STT3B: variants seen among roughly 807,000 people sequenced by gnomAD.
The protein encoded by STT3B is STT3 oligosaccharyltransferase complex catalytic subunit B, also known as dolichyl-diphosphooligosaccharide--protein glycosyltransferase subunit STT3B.
Under a neutral mutation model 96.8 loss-of-function variants are expected in STT3B, and 29 were observed. The observed-to-expected ratio is 0.30, with a 90% CI of 0.22 to 0.41. The LOEUF is 0.41. STT3B is among the 10% of genes least tolerant of loss of function. The pLI is 1.00. For missense variants in STT3B, 640 were observed against 1,022.3 expected (o/e 0.63, Z 5.10); for synonymous variants, 367 against 360.0 (o/e 1.02, Z -0.22).
chr3:31,614,065 T>C (rs1282866766), intron 5 of STT3B, among the ~76,000 whole-genome samples: 1 of 151,966 alleles, frequency 6.6e-6, no homozygotes, highest in Non-Finnish European at 1.5e-5. Context: ...CTTCCTTCTC[T>C]AGATGGATTT....
intron 1 of STT3B, among the ~76,000 whole-genome samples, chr3:31,563,545 T>C (rs569341838): frequency 1.3e-5 from 2 of 152,310 alleles, no homozygotes; most frequent in East Asian, 1.9e-4. Flanking sequence ...AGACCATGGC[T>C]ATGGGGCCAC....
intron 4 of STT3B, among the ~76,000 whole-genome samples, chr3:31,597,072 G>A (rs1425101687): frequency 2.6e-5 from 4 of 152,074 alleles, no homozygotes; most frequent in African/African-American, 4.8e-5. Flanking sequence ...TTTGCAGCAA[G>A]TAAAACAAAA....
chr3:31,603,769 T>A (rs929042248), intron 5 of STT3B, among the ~76,000 whole-genome samples: 3 of 152,090 alleles, frequency 2.0e-5, no homozygotes, highest in Non-Finnish European at 4.4e-5. Context: ...AAATGACCAA[T>A]AGGGGAATGA....
intron 1 of STT3B, among the ~76,000 whole-genome samples, chr3:31,540,457 G>A (rs6796397): frequency 0.031 from 4,699 of 152,084 alleles, 259 homozygotes; most frequent in African/African-American, 0.11. Context: ...TTCTTTTGGG[G>A]TTTTCTTTTC....
intron 1 of STT3B, among the ~76,000 whole-genome samples, chr3:31,554,371 G>A (rs1697640484): frequency 6.6e-6 from 1 of 152,144 alleles, no homozygotes; most frequent in African/African-American, 2.4e-5. Flanking sequence ...AAAGAACCAG[G>A]TGGTTACATA....
In STT3B at chr3:31,571,283, AT is replaced by A. The variant is rs112096800; in HGVS notation, c.315-5099del. ...AAAGTGTTACTGGAAAGCCTCATGC[AT>A]TTTTTTTTTTTTTGGAAGAGGAGGT... On this transcript the variant is annotated intron_variant, in intron 1 of 15. Coordinates refer to ENST00000295770, the MANE Select transcript of STT3B (RefSeq NM_178862.3). 1.2e-3 allele frequency among the ~76,000 whole-genome samples: 174 copies of A among 143,582 alleles called. 1 individual carries two copies. In the East Asian group the frequency reaches 0.017, roughly 14 times the overall value. The allele number at this position is 143,582 out of a possible 152,430, so 94.2% of individuals were successfully genotyped here.
At chr3:31,560,501 C>A (rs1178588195) in intron 1 of STT3B, among the ~76,000 whole-genome samples, 1 of 151,984 alleles carries the variant, frequency 6.6e-6, no homozygotes, top group African/African-American at 2.4e-5. Flanking sequence ...ATTTCTCCTT[C>A]ATTTATGAAG....
chr3:31,602,808 A>G (rs530969141), intron 5 of STT3B, among the ~76,000 whole-genome samples: 1 of 151,952 alleles, frequency 6.6e-6, no homozygotes, highest in African/African-American at 2.4e-5. Flanking sequence ...ATAATGTTCA[A>G]ATTCTCCACT....
intron 5 of STT3B, among the ~76,000 whole-genome samples, chr3:31,614,147 A>G (rs1300152516): frequency 1.3e-5 from 2 of 152,036 alleles, no homozygotes; most frequent in East Asian, 3.9e-4. Context: ...ACACTATGCT[A>G]CACAGTATAT....
At chr3:31,546,153 T>C (rs1220274570) in intron 1 of STT3B, among the ~76,000 whole-genome samples, 1 of 152,226 alleles carries the variant, frequency 6.6e-6, no homozygotes, top group Non-Finnish European at 1.5e-5. Flanking sequence ...AGTGGGATTT[T>C]GTCAAAATAT....
At chr3:31,619,991 G>C in intron 9 of STT3B, 161 bp downstream of exon 9, 2 of 1,489,934 alleles carry the variant, frequency 1.3e-6, no homozygotes, top group Non-Finnish European at 1.8e-6. Flanking sequence ...AATTCACTGA[G>C]AGGCTGGGCA....
At chr3:31,635,237 G>A (rs1699735007) in intron 15 of STT3B, among the ~76,000 whole-genome samples, 1 of 152,162 alleles carries the variant, frequency 6.6e-6, no homozygotes, top group Non-Finnish European at 1.5e-5. Context: ...AGGGCTGTGT[G>A]TCAGATTGAA....
chr3:31,573,883 A>G (rs1009209258), intron 1 of STT3B, among the ~76,000 whole-genome samples: 4 of 152,176 alleles, frequency 2.6e-5, no homozygotes, highest in African/African-American at 7.2e-5. Context: ...GAGGCTACCT[A>G]TACAGAAAAC....
chr3:31,616,479 C>G (rs979348019), intron 6 of STT3B, among the ~76,000 whole-genome samples: 1 of 151,902 alleles, frequency 6.6e-6, no homozygotes, highest in Non-Finnish European at 1.5e-5. Flanking sequence ...AAGGTCACAT[C>G]TTATTACTCA....
At chr3:31,623,944 ATGT>A (rs1387045000) in intron 11 of STT3B, 83 bp downstream of exon 11, 30 of 1,207,206 alleles carry the variant, frequency 2.5e-5, no homozygotes, top group Non-Finnish European at 2.7e-5. Flanking sequence ...AAAAAATAGA[ATGT>A]TGTTTGTGAG....
intron 1 of STT3B, among the ~76,000 whole-genome samples, chr3:31,558,258 T>A (rs1697771672): frequency 6.6e-6 from 1 of 152,208 alleles, no homozygotes; most frequent in African/African-American, 2.4e-5. Context: ...TGTTTTCTAG[T>A]TCTTTGTGGA....
intron 2 of STT3B, among the ~76,000 whole-genome samples, chr3:31,578,332 C>T (rs1559372751): frequency 6.6e-6 from 1 of 152,146 alleles, no homozygotes; most frequent in Non-Finnish European, 1.5e-5. Flanking sequence ...GCTCCCATGA[C>T]ATCAGCACCT....
intron 1 of STT3B, among the ~76,000 whole-genome samples, chr3:31,567,073 C>G (rs955579082): frequency 2.6e-5 from 4 of 152,198 alleles, no homozygotes; most frequent in East Asian, 1.9e-4. Flanking sequence ...TCATTATGCT[C>G]TCTCTATCCA....
At chr3:31,597,493 G>A (rs1166293762) in intron 4 of STT3B, among the ~76,000 whole-genome samples, 1 of 151,994 alleles carries the variant, frequency 6.6e-6, no homozygotes, top group African/African-American at 2.4e-5. Context: ...GTCTTTCTCT[G>A]TTAGCCAATC....
Sources: allele counts gnomAD v4.1 joint callset (sites outside exome capture counted in the v4.1 genomes callset), GRCh38; gene constraint gnomAD v4.1.1; transcripts MANE v1.5; gene names NCBI Gene and HGNC (gene_info 2026-07-23, HGNC 2026-07-21).